The following BICRAL variants were observed in gnomAD, a reference collection of about 807,000 sequenced individuals.
BICRAL encodes the protein BICRA like chromatin remodeling complex associated protein, also known as BRD4-interacting chromatin-remodeling complex-associated protein-like.
In BICRAL, 8 loss-of-function variants were observed where a neutral mutation model predicts 91.8. That is an observed-to-expected ratio of 0.09 (90% CI 0.05 to 0.16). The LOEUF (loss-of-function observed/expected upper bound fraction) is 0.16. Among genes scored for constraint, BICRAL ranks in the 10% least tolerant of loss-of-function variants. The pLI is 1.00. For missense variants in BICRAL, 1,038 were observed against 1,310.9 expected (o/e 0.79, Z 3.21); for synonymous variants, 445 against 491.1 (o/e 0.91, Z 1.24).
At chr6:42,850,105 C>T (rs1160030388) in intron 6 of BICRAL, among the ~76,000 whole-genome samples, 2 of 152,006 alleles carry the variant, frequency 1.3e-5, no homozygotes, top group East Asian at 3.9e-4. Context: ...TTGCCAGGGT[C>T]TATGTGAGCA....
intron 6 of BICRAL, among the ~76,000 whole-genome samples, chr6:42,847,643 G>T (rs1765054457): frequency 6.6e-6 from 1 of 152,082 alleles, no homozygotes; most frequent in Non-Finnish European, 1.5e-5. Context: ...GCCAGGCATT[G>T]GCCAGGCACG....
intron 1 of BICRAL, among the ~76,000 whole-genome samples, chr6:42,785,051 C>T (rs1333218135): frequency 6.6e-6 from 1 of 152,142 alleles, no homozygotes; most frequent in African/African-American, 2.4e-5. Flanking sequence ...GTTTTTTGCT[C>T]ACATTAGTCT....
At chr6:42,802,429 TTGTTGTTGTTGTTG>T (rs1763603036) in intron 1 of BICRAL, among the ~76,000 whole-genome samples, 1 of 62,004 alleles carries the variant, frequency 1.6e-5, no homozygotes, top group African/African-American at 8.1e-5. Context: ...GTGTTTTTTT[TTGTTGTTGTTGTTG>T]TTGTTGTTGT....
intron 1 of BICRAL, among the ~76,000 whole-genome samples, chr6:42,758,722 A>G (rs1184091886): frequency 1.3e-5 from 2 of 152,016 alleles, no homozygotes; most frequent in Middle Eastern, 3.2e-3. Context: ...CAAAAAAAAA[A>G]AAAAAAGAAA....
intron 1 of BICRAL, among the ~76,000 whole-genome samples, chr6:42,766,646 C>A (rs1762636815): frequency 6.6e-6 from 1 of 152,034 alleles, no homozygotes; most frequent in Non-Finnish European, 1.5e-5. Flanking sequence ...TGAGACCAGC[C>A]TGGCCAACAT....
At chr6:42,783,577 C>T (rs918478852) in intron 1 of BICRAL, among the ~76,000 whole-genome samples, 3 of 152,134 alleles carry the variant, frequency 2.0e-5, no homozygotes, top group Non-Finnish European at 2.9e-5. Context: ...GCCGCGAGGC[C>T]CGGGGCTAGC....
At chr6:42,837,776 A>G (rs1008402530) in intron 6 of BICRAL, among the ~76,000 whole-genome samples, 9 of 151,964 alleles carry the variant, frequency 5.9e-5, no homozygotes, top group African/African-American at 2.2e-4. Flanking sequence ...GAAAAATCAA[A>G]TGGTACAGAA....
chr6:42,795,309 C>T (rs1229551265), intron 1 of BICRAL, among the ~76,000 whole-genome samples: 2 of 151,954 alleles, frequency 1.3e-5, no homozygotes, highest in African/African-American at 2.4e-5. Context: ...TGCACGCCTG[C>T]AATCCCAGCT....
chr6:42,815,856 G>A (rs1214819503), intron 2 of BICRAL, among the ~76,000 whole-genome samples: 2 of 151,466 alleles, frequency 1.3e-5, no homozygotes, highest in African/African-American at 4.9e-5. Context: ...GCATGGTGGT[G>A]TGGCCCTGTA....
chr6:42,817,434 C>T (rs1454512277), intron 2 of BICRAL, among the ~76,000 whole-genome samples: 1 of 151,520 alleles, frequency 6.6e-6, no homozygotes, highest in Non-Finnish European at 1.5e-5. Context: ...CCATAAAACT[C>T]ACCCTTTTAA....
intron 1 of BICRAL, among the ~76,000 whole-genome samples, chr6:42,759,710 T>A (rs999961768): frequency 1.3e-5 from 2 of 152,208 alleles, no homozygotes; most frequent in African/African-American, 4.8e-5. Flanking sequence ...CTTCTCTGCA[T>A]AACAAGGCAC....
Position 42,867,030 on chromosome 6 carries a change from C to A in BICRAL, c.*1584C>A. On this transcript the variant is annotated 3_prime_UTR_variant, in exon 13 of 13. Coordinates refer to ENST00000314073, the MANE Select transcript of BICRAL (RefSeq NM_001393499.1). ...TAGTGTGCATACTCTCTCATTTATT[C>A]TGTTTATCTCCCTGGCTCTGGAGGT... is the stretch of plus-strand genomic sequence containing the variant. 1 of 320,094 alleles carries A rather than the reference C, an allele frequency of 3.1e-6. No individual in the cohort carries two copies. The highest frequency in any genetic ancestry group is 2.6e-5 in the South Asian group (1 of 39,024). 19.8% of individuals were successfully genotyped at this position (320,094 alleles called of 1,614,324 possible).
At position 42,853,758 on chromosome 6, in the gene BICRAL, G is replaced by T. The variant is rs1330146172; in HGVS notation, c.2046+20G>T. On this transcript the variant is annotated intron_variant, in intron 8 of 12. Transcript: ENST00000314073. ...GTGCAGGTAGAAAACTATTGGCATAGCCTCTTCCTAATGTTCGGCATAATT... is the reference window on the plus strand; with the variant it reads ...GTGCAGGTAGAAAACTATTGGCATATCCTCTTCCTAATGTTCGGCATAATT... 3 of 1,472,056 alleles carry T rather than the reference G, an allele frequency of 2.0e-6. No individual in the cohort carries two copies. Among genetic ancestry groups the T allele is most frequent in the African/African-American group, 2.8e-5 (2 of 72,126 alleles). 91.2% of individuals were successfully genotyped at this position (1,472,056 alleles called of 1,614,324 possible). A position where few individuals can be genotyped will look rare whatever the true frequency, so the allele number is the denominator to read the frequency against.
chr6:42,778,151 C>A (rs1762829493), upstream of BICRAL, among the ~76,000 whole-genome samples: 1 of 152,160 alleles, frequency 6.6e-6, no homozygotes, highest in Non-Finnish European at 1.5e-5. Context: ...TTTGTAAACT[C>A]CTCCAGACTT....
At position 42,828,782 on chromosome 6, in the gene BICRAL, C is replaced by G; in HGVS notation, c.449C>G (p.Thr150Ser). 3 of 1,614,172 alleles carry G rather than the reference C, an allele frequency of 1.9e-6. No individual in the cohort carries two copies. The highest frequency in any genetic ancestry group is 2.2e-5 in the South Asian group (2 of 91,080). The change falls in exon 6 of 13, where the codon ACT becomes AGT. Residue 150 changes from threonine (T) to serine (S), a missense_variant. Coordinates refer to ENST00000314073, the MANE Select transcript of BICRAL (RefSeq NM_001393499.1). ...QLHPSSSASF[T>S]QASNVSNYSG... The stretch of plus-strand genomic sequence containing the variant: ...CATCCTTCTTCATCAGCATCCTTTA[C>G]TCAGGCTTCTAATGTTTCTAATTAC...
At chr6:42,844,901 C>T (rs1434777469) in intron 6 of BICRAL, among the ~76,000 whole-genome samples, 2 of 152,026 alleles carry the variant, frequency 1.3e-5, no homozygotes, top group African/African-American at 4.8e-5. Context: ...AGAGGAGGGA[C>T]ACCTATTGTA....
intron 1 of BICRAL, among the ~76,000 whole-genome samples, chr6:42,783,809 C>T (rs901923566): frequency 7.9e-5 from 12 of 152,230 alleles, no homozygotes; most frequent in East Asian, 1.9e-4. Flanking sequence ...ACCCCCACTC[C>T]TCCCAGTCGA....
intron 12 of BICRAL, among the ~76,000 whole-genome samples, chr6:42,864,209 G>A (rs190203885): frequency 8.6e-5 from 13 of 151,138 alleles, no homozygotes; most frequent in East Asian, 1.9e-4. Flanking sequence ...GCATGGTGGC[G>A]GGCGCCTGTA....
At chr6:42,749,783 T>C (rs1762348156) in intron 1 of BICRAL, among the ~76,000 whole-genome samples, 1 of 148,724 alleles carries the variant, frequency 6.7e-6, no homozygotes, top group Non-Finnish European at 1.5e-5. Context: ...TTTTGGCCCA[T>C]CCCTTATATT....
Sources: allele counts gnomAD v4.1 joint callset (sites outside exome capture counted in the v4.1 genomes callset), GRCh38; gene constraint gnomAD v4.1.1; transcripts MANE v1.5; gene names NCBI Gene and HGNC (gene_info 2026-07-23, HGNC 2026-07-21).